GLIPR1L1: variants seen among roughly 807,000 people sequenced by gnomAD.
The protein encoded by GLIPR1L1 is GLIPR1 like 1, also known as GLIPR1-like protein 1.
Under a neutral mutation model 29.9 loss-of-function variants are expected in GLIPR1L1, and 26 were observed. That is an observed-to-expected ratio of 0.87 (90% CI 0.64 to 1.21). GLIPR1L1 has a LOEUF of 1.21. GLIPR1L1 is among the 50% of genes most tolerant of loss of function. GLIPR1L1 has a pLI of 0.00. For missense variants in GLIPR1L1, 305 were observed against 290.3 expected (o/e 1.05, Z -0.37); for synonymous variants, 77 against 97.5 (o/e 0.79, Z 1.24).
chr12:75,339,597 A>G (rs1170253687), intron 1 of GLIPR1L1, among the ~76,000 whole-genome samples: 2 of 151,662 alleles, frequency 1.3e-5, no homozygotes, highest in Admixed American at 1.3e-4. Flanking sequence ...TTAATTAGAT[A>G]CCATTTGTCC....
chr12:75,339,135 G>A (rs137911958), intron 1 of GLIPR1L1, among the ~76,000 whole-genome samples: 1 of 152,184 alleles, frequency 6.6e-6, no homozygotes, highest in South Asian at 2.1e-4. Context: ...GGATTGCTGG[G>A]TCAAATGGTA....
intron 1 of GLIPR1L1, among the ~76,000 whole-genome samples, chr12:75,341,909 G>T (rs544510775): frequency 2.0e-5 from 3 of 151,842 alleles, no homozygotes; most frequent in Non-Finnish European, 4.4e-5. Flanking sequence ...CCCCACACCT[G>T]GCTGATTTTT....
chr12:75,362,820 AC>A (rs1329451313), intron 3 of GLIPR1L1, among the ~76,000 whole-genome samples: 1 of 152,204 alleles, frequency 6.6e-6, no homozygotes, highest in Non-Finnish European at 1.5e-5. Flanking sequence ...ACTATCTATG[AC>A]AAAAACTTTG....
chr12:75,352,734 A>C (rs1431982727), intron 3 of GLIPR1L1, among the ~76,000 whole-genome samples: 1 of 152,192 alleles, frequency 6.6e-6, no homozygotes, highest in Non-Finnish European at 1.5e-5. Flanking sequence ...TTACTCTAAA[A>C]CTGCACATAA....
At chr12:75,337,122 C>T (rs1467975826) in intron 1 of GLIPR1L1, among the ~76,000 whole-genome samples, 1 of 151,508 alleles carries the variant, frequency 6.6e-6, no homozygotes, top group Admixed American at 6.6e-5. Context: ...TGGAAGCATA[C>T]GTATAGATTT....
chr12:75,352,319 A>G (rs965479558), intron 3 of GLIPR1L1, among the ~76,000 whole-genome samples: 2 of 152,270 alleles, frequency 1.3e-5, no homozygotes, highest in Admixed American at 6.5e-5. Flanking sequence ...TTTACCAAGC[A>G]AATGGAAAAC....
chr12:75,369,032 T>C (rs2044181990), intron 4 of GLIPR1L1, among the ~76,000 whole-genome samples: 1 of 151,948 alleles, frequency 6.6e-6, no homozygotes, highest in South Asian at 2.1e-4. Context: ...TTGATCAATC[T>C]TTATCAGAAA....
At chr12:75,347,229 AAAAC>A (rs1473014657) in intron 2 of GLIPR1L1, among the ~76,000 whole-genome samples, 1 of 152,138 alleles carries the variant, frequency 6.6e-6, no homozygotes, top group Non-Finnish European at 1.5e-5. Flanking sequence ...TTTTCTGAGA[AAAAC>A]AAATAAATGT....
intron 3 of GLIPR1L1, among the ~76,000 whole-genome samples, chr12:75,357,904 T>C (rs2043257351): frequency 6.8e-6 from 1 of 146,260 alleles, no homozygotes; most frequent in Non-Finnish European, 1.5e-5. Context: ...AAAAGAACAG[T>C]CTCCAGTCAA....
chr12:75,361,668 C>T (rs1418456390), intron 3 of GLIPR1L1, among the ~76,000 whole-genome samples: 1 of 152,164 alleles, frequency 6.6e-6, no homozygotes. Context: ...ACCTTCCTTA[C>T]AGTGCAGCAG....
rs112387681 is a variant in GLIPR1L1, at chr12:75,340,161, A to AAT, written c.175-3522_175-3521dup. 4.3e-3 allele frequency among the ~76,000 whole-genome samples: 647 copies of AAT among 149,836 alleles called. 6 individuals are homozygous for AAT. The highest frequency in any genetic ancestry group is 0.015 in the African/African-American group (616 of 41,098). Reference sequence around the variant, plus strand: ...CATATATATAAAATATATATGTATAAATATATATATACATACCACATTTTC... The same window carrying AAT: ...CATATATATAAAATATATATGTATAAATATATATATATACATACCACATTTTC... On this transcript the variant is annotated intron_variant, in intron 1 of 5. Coordinates refer to ENST00000378695, the MANE Select transcript of GLIPR1L1 (RefSeq NM_001304964.2).
chr12:75,343,603 T>C, intron 1 of GLIPR1L1, 90 bp from the exon 2 acceptor site: 1 of 1,003,568 alleles, frequency 1.0e-6, no homozygotes, highest in Non-Finnish European at 1.4e-6. Flanking sequence ...AAATAATAAA[T>C]TTAAGCAAAA....
chr12:75,336,411 G>A (rs1157852000), intron 1 of GLIPR1L1, among the ~76,000 whole-genome samples: 1 of 151,682 alleles, frequency 6.6e-6, no homozygotes, highest in African/African-American at 2.4e-5. Context: ...TATCAGATTG[G>A]ATTAATGCTT....
At chr12:75,363,326 T>C (rs2043743540) in intron 4 of GLIPR1L1, 136 bp downstream of exon 4, 1 of 403,200 alleles carries the variant, frequency 2.5e-6, no homozygotes, top group Non-Finnish European at 4.4e-6. Context: ...ATATAAATCA[T>C]GTCATAAATT....
chr12:75,348,385 G>C (rs2042589339), intron 3 of GLIPR1L1, among the ~76,000 whole-genome samples: 1 of 152,100 alleles, frequency 6.6e-6, no homozygotes, highest in East Asian at 1.9e-4. Flanking sequence ...ACTAGAGAGA[G>C]GCAGAAATGT....
chr12:75,358,076 T>A (rs2043272373), intron 3 of GLIPR1L1, among the ~76,000 whole-genome samples: 1 of 151,270 alleles, frequency 6.6e-6, no homozygotes, highest in South Asian at 2.1e-4. Context: ...AACATTTTAT[T>A]AATAAAATTT....
intron 1 of GLIPR1L1, among the ~76,000 whole-genome samples, chr12:75,340,814 A>C (rs889673181): frequency 6.6e-6 from 1 of 152,132 alleles, no homozygotes; most frequent in African/African-American, 2.4e-5. Context: ...ATGGAAAATA[A>C]GCACATGAAA....
Position 75,370,363 on chromosome 12 carries a change from A to T in GLIPR1L1, c.*187A>T. 2.2e-6 allele frequency: 1 copy of T among 461,000 alleles called. No homozygotes were observed. Among genetic ancestry groups the T allele is most frequent in the Non-Finnish European group, 3.9e-6 (1 of 258,024 alleles). 28.6% of individuals were successfully genotyped at this position (461,000 alleles called of 1,614,324 possible). A position where few individuals can be genotyped will look rare whatever the true frequency, so the allele number is the denominator to read the frequency against. ...TGGAAAATGGATAGCAGTAGAATAA[A>T]GTCTTAAGATTATTTTTTAATTACA... is the stretch of plus-strand genomic sequence containing the variant. On this transcript the variant is annotated 3_prime_UTR_variant, in exon 6 of 6. Transcript: ENST00000378695.
chr12:75,335,805 A>C (rs2041693620), intron 1 of GLIPR1L1, among the ~76,000 whole-genome samples: 1 of 152,156 alleles, frequency 6.6e-6, no homozygotes, highest in African/African-American at 2.4e-5. Flanking sequence ...TATAATGTTT[A>C]CCAGCTTGGG....
Sources: gnomAD v4.1 joint callset for allele counts (sites outside exome capture counted in the v4.1 genomes callset) on GRCh38, gnomAD v4.1.1 for gene constraint, MANE v1.5 for transcripts, NCBI Gene and HGNC (gene_info 2026-07-23, HGNC 2026-07-21) for gene names.